UTRN: variants seen among roughly 807,000 people sequenced by gnomAD.
UTRN encodes dystrophin-related protein 1.
Under a neutral mutation model 463.9 loss-of-function variants are expected in UTRN, and 283 were observed. That is an observed-to-expected ratio of 0.61 (90% confidence interval 0.55 to 0.67). UTRN has a LOEUF of 0.67. Ranked by LOEUF, UTRN falls within the 30% of genes least tolerant of loss-of-function variation. The probability of loss-of-function intolerance (pLI) is 0.00; values close to 1 mark genes in which losing one functional copy is unlikely to be tolerated. For missense variants in UTRN, 3,922 were observed against 4,084.3 expected, an observed-to-expected ratio of 0.96 and a Z score of 1.08; for synonymous variants, 1,442 against 1,431.5, an observed-to-expected ratio of 1.01 and a Z score of -0.17.
chr6:144,760,392 T>G (rs2128727397), intron 58 of UTRN, among the ~76,000 whole-genome samples: 1 of 152,310 alleles, frequency 6.6e-6, no homozygotes, highest in South Asian at 2.1e-4. Context: ...AAAAATCTTC[T>G]CCATCACCAG....
intron 64 of UTRN, among the ~76,000 whole-genome samples, chr6:144,800,846 A>G (rs1361026580): frequency 1.3e-5 from 2 of 152,172 alleles, no homozygotes; most frequent in Non-Finnish European, 2.9e-5. Flanking sequence ...TGCTCAGTAA[A>G]AGGCAAGATT....
chr6:144,701,008 G>C (rs1784537721), intron 53 of UTRN, among the ~76,000 whole-genome samples: 1 of 152,096 alleles, frequency 6.6e-6, no homozygotes, highest in African/African-American at 2.4e-5. Flanking sequence ...CTGGGTCCAA[G>C]AGATTCTCCT....
chr6:144,550,682 T>C (rs185183094), intron 47 of UTRN, among the ~76,000 whole-genome samples: 24 of 152,326 alleles, frequency 1.6e-4, no homozygotes, highest in Middle Eastern at 3.4e-3. Flanking sequence ...AGACTGGATG[T>C]AATTGAGCTG....
At chr6:144,635,504 CTTT>C (rs200118539) in intron 51 of UTRN, among the ~76,000 whole-genome samples, 1 of 47,996 alleles carries the variant, frequency 2.1e-5, no homozygotes, top group Admixed American at 2.4e-4. Context: ...AGCAGCTAGC[CTTT>C]TTTTTTCTTT....
At position 144,436,004 on chromosome 6, in the gene UTRN, A is replaced by G; in HGVS notation, c.925A>G (p.Met309Val). 3 of 1,614,248 alleles carry G rather than the reference A, an allele frequency of 1.9e-6. No homozygotes were observed. The highest frequency in any genetic ancestry group is 2.5e-6 in the Non-Finnish European group (3 of 1,180,038). Residue 309 changes from methionine to valine, a missense_variant, in exon 10 of 75, where the codon ATG becomes GTG. Physicochemically the swap from Met to Val is conservative, Grantham distance 21. Coordinates refer to ENST00000367545, the MANE Select transcript of UTRN (RefSeq NM_007124.3). Reference sequence around the variant, plus strand: ...TCCCAGCACTGTCACTGAGGTTGACATGGATCTGGACAGCTATCAGATTGC... The same window carrying G: ...TCCCAGCACTGTCACTGAGGTTGACGTGGATCTGGACAGCTATCAGATTGC... ...ETPSTVTEVD[M>V]DLDSYQIALE...
In UTRN at chr6:144,449,929, C is replaced by A. The variant is rs188706549; in HGVS notation, c.2072+1160C>A. On this transcript the variant is annotated intron_variant, in intron 17 of 74. Transcript: ENST00000367545. ...CTAAAGGGGATAATAATAGTGTATA[C>A]TTTTTAGGGTGCTGGTGAGGATTCC... is the stretch of plus-strand genomic sequence containing the variant. 2.6e-5 allele frequency among the ~76,000 whole-genome samples: 4 copies of A among 152,196 alleles called. No individual in the cohort carries two copies. The East Asian group carries it at 7.7e-4, about 29-fold the overall frequency.
At chr6:144,561,250 T>TAC (rs1200374892) in intron 50 of UTRN, among the ~76,000 whole-genome samples, 11 of 51,830 alleles carry the variant, frequency 2.1e-4, no homozygotes, top group African/African-American at 5.7e-4. Context: ...TATATATATA[T>TAC]ATATATATAT....
chr6:144,566,954 C>T (rs1800460354), intron 50 of UTRN, among the ~76,000 whole-genome samples: 1 of 151,936 alleles, frequency 6.6e-6, no homozygotes, highest in African/African-American at 2.4e-5. Flanking sequence ...CCAGACTAGC[C>T]TGGGAAATAT....
chr6:144,559,471 C>G (rs1799671396), intron 50 of UTRN, among the ~76,000 whole-genome samples: 1 of 152,080 alleles, frequency 6.6e-6, no homozygotes, highest in African/African-American at 2.4e-5. Flanking sequence ...ACCCAGTGAA[C>G]TTTACAATTT....
At chr6:144,315,082 A>G (rs535741540) in intron 2 of UTRN, among the ~76,000 whole-genome samples, 1 of 152,256 alleles carries the variant, frequency 6.6e-6, no homozygotes, top group South Asian at 2.1e-4. Context: ...GGGCCTGGGC[A>G]CTTAGTGGGC....
intron 46 of UTRN, among the ~76,000 whole-genome samples, chr6:144,545,167 A>G (rs553795791): frequency 2.0e-5 from 3 of 151,984 alleles, no homozygotes; most frequent in South Asian, 4.2e-4. Flanking sequence ...CATTCCACCT[A>G]CTTCCGTGGT....
chr6:144,583,340 T>C, intron 51 of UTRN: 1 of 451,472 alleles, frequency 2.2e-6, no homozygotes, highest in South Asian at 6.2e-5. Context: ...GCCTCCTTTT[T>C]CCTAGAACCT....
chr6:144,622,511 AG>A (rs1229010617), intron 51 of UTRN, among the ~76,000 whole-genome samples: 2 of 152,116 alleles, frequency 1.3e-5, no homozygotes, highest in Non-Finnish European at 2.9e-5. Flanking sequence ...AATCAAGAAA[AG>A]ATATAAGTAT....
chr6:144,628,137 T>TC (rs1183954674), intron 51 of UTRN, among the ~76,000 whole-genome samples: 2 of 152,142 alleles, frequency 1.3e-5, no homozygotes, highest in East Asian at 3.9e-4. Flanking sequence ...TATGCATATA[T>TC]CACATTTTGC....
chr6:144,330,671 T>G (rs951352922), intron 2 of UTRN: 2 of 238,368 alleles, frequency 8.4e-6, no homozygotes, highest in Admixed American at 6.5e-5. Flanking sequence ...AGATAAGTGT[T>G]GTCACACGTC....
At chr6:144,727,063 A>G (rs2128712391) in intron 53 of UTRN, among the ~76,000 whole-genome samples, 1 of 152,276 alleles carries the variant, frequency 6.6e-6, no homozygotes, top group East Asian at 1.9e-4. Flanking sequence ...CTAATCAGAA[A>G]TTACTGTACA....
At chr6:144,641,565 G>A (rs73005536) in intron 51 of UTRN, among the ~76,000 whole-genome samples, 282 of 152,236 alleles carry the variant, frequency 1.9e-3, no homozygotes, top group Non-Finnish European at 3.2e-3. Context: ...GTTAACTCTG[G>A]AACGCCCTTG....
Position 144,429,605 on chromosome 6 carries a change from A to G in UTRN, c.719A>G (p.Lys240Arg), listed in dbSNP as rs772323806. The change falls in exon 9 of 75, where the codon AAG becomes AGG. Residue 240 changes from lysine (K) to arginine (R), a missense_variant. Coordinates refer to ENST00000367545, the MANE Select transcript of UTRN (RefSeq NM_007124.3). ...PEDVAVQLPD[K>R]KSIIMYLTSL... ...GATGTTGCCGTTCAGCTTCCTGACA[A>G]GAAATCCATAATTATGTATTTAACA... is the stretch of plus-strand genomic sequence containing the variant. The G allele has an allele frequency of 6.2e-7, 1 of 1,604,350 alleles. No individual in the cohort carries two copies. Among genetic ancestry groups the G allele is most frequent in the South Asian group, 1.1e-5 (1 of 89,592 alleles).
At chr6:144,514,608 TG>T in intron 36 of UTRN, 41 bp from the exon 37 acceptor site, 2 of 1,599,882 alleles carry the variant, frequency 1.3e-6, no homozygotes. Flanking sequence ...TGTTTGGGTT[TG>T]ATTTTTCCCA....
Sources: allele counts gnomAD v4.1 joint callset (sites outside exome capture counted in the v4.1 genomes callset), GRCh38; gene constraint gnomAD v4.1.1; transcripts MANE v1.5; gene names NCBI Gene and HGNC (gene_info 2026-07-23, HGNC 2026-07-21).